The following IL1RAPL2 variants were observed in gnomAD, a reference collection of about 807,000 sequenced individuals.
IL1RAPL2 encodes interleukin 1 receptor accessory protein like 2, also known as X-linked interleukin-1 receptor accessory protein-like 2.
In IL1RAPL2, 3 loss-of-function variants were observed where a neutral mutation model predicts 44.1. The observed-to-expected ratio is 0.07, with a 90% CI of 0.03 to 0.18. IL1RAPL2 has a LOEUF of 0.18. IL1RAPL2 is among the 10% of genes least tolerant of loss of function. The pLI, the probability that IL1RAPL2 is intolerant of heterozygous loss-of-function variation, is 1.00. For synonymous variants in IL1RAPL2, 181 were observed against 178.8 expected (o/e 1.01, Z -0.10); for missense variants, 391 against 496.4 (o/e 0.79, Z 2.02).
At chrX:104,571,481 T>C (rs1030793009) in intron 1 of IL1RAPL2, among the ~76,000 whole-genome samples, 2 of 111,531 alleles carry the variant, frequency 1.8e-5, no homozygotes, top group Non-Finnish European at 3.8e-5. Flanking sequence ...AATTGAATCA[T>C]GGGGATGGTT....
intron 6 of IL1RAPL2, among the ~76,000 whole-genome samples, chrX:105,588,161 T>A (rs955243158): frequency 9.0e-6 from 1 of 111,404 alleles, no homozygotes; most frequent in Non-Finnish European, 1.9e-5. Context: ...TATTTTAATG[T>A]TCTGCATCTT....
chrX:105,278,742 T>G (rs776793579), intron 5 of IL1RAPL2, among the ~76,000 whole-genome samples: 1 of 112,315 alleles, frequency 8.9e-6, no homozygotes, highest in African/African-American at 3.2e-5. Context: ...TTACTTGTTA[T>G]GATCACACAC....
chrX:104,700,359 C>T (rs1232167734), intron 2 of IL1RAPL2, among the ~76,000 whole-genome samples: 1 of 111,726 alleles, frequency 9.0e-6, no homozygotes, highest in Non-Finnish European at 1.9e-5. Context: ...CTTTCTTTCT[C>T]TCCTCCTGAA....
At chrX:104,600,763 G>A (rs1483013675) in intron 1 of IL1RAPL2, among the ~76,000 whole-genome samples, 1 of 111,563 alleles carries the variant, frequency 9.0e-6, no homozygotes, top group Non-Finnish European at 1.9e-5. Context: ...GTGAGAACAA[G>A]TGGCATTTGG....
intron 2 of IL1RAPL2, among the ~76,000 whole-genome samples, chrX:104,707,421 G>T (rs1266957662): frequency 9.0e-6 from 1 of 111,615 alleles, no homozygotes; most frequent in African/African-American, 3.2e-5. Flanking sequence ...CCAACAGTAG[G>T]CGTTATCTAA....
At chrX:104,958,829 G>T (rs890697012) in intron 2 of IL1RAPL2, among the ~76,000 whole-genome samples, 1 of 110,262 alleles carries the variant, frequency 9.1e-6, no homozygotes, top group Admixed American at 9.8e-5. Context: ...CAACCTGGGG[G>T]TAAGTGCCAA....
At chrX:105,561,677 A>G (rs1047082311) in intron 6 of IL1RAPL2, among the ~76,000 whole-genome samples, 3 of 112,074 alleles carry the variant, frequency 2.7e-5, no homozygotes, top group African/African-American at 9.7e-5. Context: ...GTTTCCTCTC[A>G]CAATTAGGTA....
intron 6 of IL1RAPL2, among the ~76,000 whole-genome samples, chrX:105,651,185 G>A (rs2037640232): frequency 9.0e-6 from 1 of 111,298 alleles, no homozygotes; most frequent in Non-Finnish European, 1.9e-5. Context: ...AAACCAAGGG[G>A]AATTAAGATT....
intron 2 of IL1RAPL2, among the ~76,000 whole-genome samples, chrX:104,953,838 A>G (rs1925645815): frequency 8.9e-6 from 1 of 111,826 alleles, no homozygotes; most frequent in Non-Finnish European, 1.9e-5. Context: ...CATCTAATAT[A>G]TATTTTTGTA....
intron 1 of IL1RAPL2, among the ~76,000 whole-genome samples, chrX:104,568,271 C>A (rs189305045): frequency 9.0e-5 from 10 of 110,844 alleles, no homozygotes; most frequent in African/African-American, 3.3e-4. Context: ...GGGAACAGAC[C>A]CCAAGGAAGT....
At chrX:104,592,703 C>A (rs1259939273) in intron 1 of IL1RAPL2, among the ~76,000 whole-genome samples, 3 of 111,598 alleles carry the variant, frequency 2.7e-5, no homozygotes, top group African/African-American at 9.8e-5. Context: ...ACTGTAACCA[C>A]AAGGCATTTC....
chrX:105,275,002 G>C (rs757047672), intron 5 of IL1RAPL2, among the ~76,000 whole-genome samples: 3 of 111,533 alleles, frequency 2.7e-5, no homozygotes, highest in Non-Finnish European at 3.8e-5. Flanking sequence ...CTTGAGGTCA[G>C]GAGTTCAAGA....
chrX:104,736,016 CCTT>C (rs1271499909), intron 2 of IL1RAPL2, among the ~76,000 whole-genome samples: 1 of 110,950 alleles, frequency 9.0e-6, no homozygotes, highest in Non-Finnish European at 1.9e-5. Context: ...TCATCTGTCT[CCTT>C]CATTATTCTA....
At chrX:105,408,804 C>T (rs2035669746) in intron 5 of IL1RAPL2, among the ~76,000 whole-genome samples, 1 of 109,560 alleles carries the variant, frequency 9.1e-6, no homozygotes. Context: ...TCTGAAAGAT[C>T]TAAACATGGT....
chrX:105,101,244 T>C (rs1480683294), intron 2 of IL1RAPL2, among the ~76,000 whole-genome samples: 1 of 111,962 alleles, frequency 8.9e-6, no homozygotes, highest in Non-Finnish European at 1.9e-5. Flanking sequence ...TCGATAGAGT[T>C]TACTTGGCCC....
At chrX:104,877,118 C>A (rs1017405993) in intron 2 of IL1RAPL2, among the ~76,000 whole-genome samples, 1 of 110,960 alleles carries the variant, frequency 9.0e-6, no homozygotes, top group Non-Finnish European at 1.9e-5. Flanking sequence ...TTTTCTTAAT[C>A]CAGTCTATCA....
chrX:105,322,769 C>A (rs2034905881), intron 5 of IL1RAPL2, among the ~76,000 whole-genome samples: 1 of 111,587 alleles, frequency 9.0e-6, no homozygotes, highest in East Asian at 2.8e-4. Flanking sequence ...TGATTAGGAA[C>A]CTTAATTTCA....
chrX:105,631,260 G>GA (rs1814136308), intron 6 of IL1RAPL2, among the ~76,000 whole-genome samples: 1 of 111,994 alleles, frequency 8.9e-6, no homozygotes, highest in African/African-American at 3.2e-5. Context: ...GCAAATAGGA[G>GA]ATGCCAGAGA....
At chrX:104,844,445 T>C (rs1307264271) in intron 2 of IL1RAPL2, among the ~76,000 whole-genome samples, 1 of 111,632 alleles carries the variant, frequency 9.0e-6, no homozygotes, top group Admixed American at 9.6e-5. Flanking sequence ...GAGCCTTTAA[T>C]ATACTGATGT....
Sources: gnomAD v4.1 joint callset for allele counts (sites outside exome capture counted in the v4.1 genomes callset) on GRCh38, gnomAD v4.1.1 for gene constraint, MANE v1.5 for transcripts, NCBI Gene and HGNC (gene_info 2026-07-23, HGNC 2026-07-21) for gene names.